ZFPM2: variants seen among roughly 807,000 people sequenced by gnomAD.
ZFPM2 encodes zinc finger protein ZFPM2.
ZFPM2 carries 20 observed loss-of-function variants against 98.6 expected under a neutral mutation model. That is an observed-to-expected ratio of 0.20 (90% CI 0.14 to 0.29). The LOEUF (loss-of-function observed/expected upper bound fraction) is 0.29. Ranked by LOEUF, ZFPM2 falls within the 10% of genes least tolerant of loss-of-function variation. The pLI is 1.00. For missense variants in ZFPM2, 1,310 were observed against 1,388.6 expected (o/e 0.94, Z 0.90); for synonymous variants, 518 against 502.7 (o/e 1.03, Z -0.41).
chr8:105,426,889 G>A (rs891689772), intron 2 of ZFPM2, among the ~76,000 whole-genome samples: 3 of 152,094 alleles, frequency 2.0e-5, no homozygotes, highest in African/African-American at 7.2e-5. Context: ...CACGGGAAGA[G>A]GAGGTTGCCA....
intron 4 of ZFPM2, among the ~76,000 whole-genome samples, chr8:105,604,512 T>C (rs1179347396): frequency 6.6e-6 from 1 of 152,086 alleles, no homozygotes; most frequent in Non-Finnish European, 1.5e-5. Context: ...CGAAACCTTT[T>C]CCGTGGTCTC....
At chr8:105,711,189 TAA>T (rs1316845579) in intron 5 of ZFPM2, among the ~76,000 whole-genome samples, 1 of 152,140 alleles carries the variant, frequency 6.6e-6, no homozygotes, top group East Asian at 1.9e-4. Context: ...ACACAAAGTC[TAA>T]AATATTCAGT....
intron 3 of ZFPM2, among the ~76,000 whole-genome samples, chr8:105,517,741 A>ACACACACC (rs1479862745): frequency 1.1e-4 from 16 of 141,388 alleles, no homozygotes; most frequent in Admixed American, 3.6e-4. Flanking sequence ...ACACACACAC[A>ACACACACC]CCCCTAGTTG....
At chr8:105,377,804 C>T (rs1454217252) in intron 1 of ZFPM2, among the ~76,000 whole-genome samples, 9 of 151,574 alleles carry the variant, frequency 5.9e-5, no homozygotes, top group Admixed American at 5.3e-4. Flanking sequence ...GAAAAATGAA[C>T]GACTGAATGA....
chr8:105,458,275 G>C (rs1812637778), intron 3 of ZFPM2, among the ~76,000 whole-genome samples: 1 of 152,108 alleles, frequency 6.6e-6, no homozygotes, highest in African/African-American at 2.4e-5. Context: ...AAAGAAAAGA[G>C]CATATTTCAT....
intron 5 of ZFPM2, among the ~76,000 whole-genome samples, chr8:105,644,177 A>AGTTGCATG: frequency 6.6e-6 from 1 of 151,874 alleles, no homozygotes; most frequent in East Asian, 1.9e-4. Flanking sequence ...ACTTTGTTCC[A>AGTTGCATG]GTTGCATGGG....
intron 5 of ZFPM2, among the ~76,000 whole-genome samples, chr8:105,675,704 G>A (rs748265733): frequency 1.3e-5 from 2 of 152,126 alleles, no homozygotes; most frequent in Non-Finnish European, 2.9e-5. Flanking sequence ...GGCGGAGATT[G>A]TCAGAAGGAG....
chr8:105,689,851 G>T (rs1307135987), intron 5 of ZFPM2, among the ~76,000 whole-genome samples: 2 of 152,108 alleles, frequency 1.3e-5, no homozygotes, highest in Admixed American at 6.5e-5. Context: ...TAACTTGGAG[G>T]CTTTGCTGCA....
chr8:105,324,693 A>C (rs1202812820), intron 1 of ZFPM2, among the ~76,000 whole-genome samples: 1 of 151,920 alleles, frequency 6.6e-6, no homozygotes, highest in Non-Finnish European at 1.5e-5. Context: ...CTATTTAAAT[A>C]TATAACTTTT....
At chr8:105,593,597 T>C (rs567614579) in intron 4 of ZFPM2, among the ~76,000 whole-genome samples, 157 of 151,662 alleles carry the variant, frequency 1.0e-3, no homozygotes, top group African/African-American at 3.6e-3. Flanking sequence ...TTTGGAGTCA[T>C]CTTATTACCA....
intron 5 of ZFPM2, among the ~76,000 whole-genome samples, chr8:105,775,078 A>T (rs1334883098): frequency 2.0e-5 from 2 of 102,516 alleles, no homozygotes; most frequent in Admixed American, 9.2e-5. Flanking sequence ...TCTTGGAATT[A>T]AAAAAAAAAA....
chr8:105,438,332 A>G (rs1010838726), intron 2 of ZFPM2, among the ~76,000 whole-genome samples: 12 of 152,138 alleles, frequency 7.9e-5, no homozygotes, highest in African/African-American at 2.7e-4. Context: ...GAGAGTAGTC[A>G]TTTGTTTTGT....
intron 5 of ZFPM2, among the ~76,000 whole-genome samples, chr8:105,688,079 G>T (rs1810783645): frequency 6.6e-6 from 1 of 151,992 alleles, no homozygotes; most frequent in African/African-American, 2.4e-5. Context: ...AAAAGCAGAT[G>T]AAATCAATAA....
intron 4 of ZFPM2, among the ~76,000 whole-genome samples, chr8:105,563,255 C>A (rs117734982): frequency 6.6e-6 from 1 of 151,734 alleles, no homozygotes; most frequent in Non-Finnish European, 1.5e-5. Flanking sequence ...TGTGGATCTC[C>A]GTTTATTCAG....
chr8:105,414,974 A>G (rs530513070), intron 1 of ZFPM2: 2 of 152,192 alleles, frequency 1.3e-5, no homozygotes, highest in South Asian at 4.1e-4. Flanking sequence ...GAAAAGCTTC[A>G]CTGTACATTG....
intron 1 of ZFPM2, among the ~76,000 whole-genome samples, chr8:105,401,174 A>G (rs112910214): frequency 2.6e-5 from 4 of 152,050 alleles, no homozygotes; most frequent in African/African-American, 9.6e-5. Context: ...GATTAATTCT[A>G]GGAGTTTTTT....
chr8:105,441,115 A>G (rs1351185549), intron 2 of ZFPM2, among the ~76,000 whole-genome samples: 1 of 152,110 alleles, frequency 6.6e-6, no homozygotes, highest in Admixed American at 6.6e-5. Flanking sequence ...AGATCGCACC[A>G]CTGCACTCCA....
chr8:105,691,352 C>T (rs1433149056), intron 5 of ZFPM2, among the ~76,000 whole-genome samples: 1 of 138,508 alleles, frequency 7.2e-6, no homozygotes, highest in Non-Finnish European at 1.6e-5. Context: ...GGGTTCACGC[C>T]ATTCTCCTGC....
At chr8:105,733,007 C>T (rs1427903453) in intron 5 of ZFPM2, among the ~76,000 whole-genome samples, 1 of 151,842 alleles carries the variant, frequency 6.6e-6, no homozygotes, top group Non-Finnish European at 1.5e-5. Context: ...AGAATTTATA[C>T]ACAAATTCTT....
Sources: gnomAD v4.1 joint callset for allele counts (sites outside exome capture counted in the v4.1 genomes callset) on GRCh38, gnomAD v4.1.1 for gene constraint, MANE v1.5 for transcripts, NCBI Gene and HGNC (gene_info 2026-07-23, HGNC 2026-07-21) for gene names.